The following NF1 variants were observed in gnomAD, a reference collection of about 807,000 sequenced individuals.
The protein encoded by NF1 is neurofibromin 1, also known as neurofibromin.
A neutral mutation model predicts 325.7 loss-of-function variants in NF1; 122 were observed. The ratio of observed to expected loss-of-function variants is 0.37; its 90% confidence interval spans 0.32 to 0.44. The LOEUF (loss-of-function observed/expected upper bound fraction) is 0.44, where lower values mean the gene tolerates loss of function less well. NF1 is among the 20% of genes least tolerant of loss of function. The pLI, the probability that NF1 is intolerant of heterozygous loss-of-function variation, is 1.00. For missense variants in NF1, 2,140 were observed against 3,415.4 expected, an observed-to-expected ratio of 0.63 and a Z score of 9.31; for synonymous variants, 1,091 against 1,186.0, an observed-to-expected ratio of 0.92 and a Z score of 1.65.
At chr17:31,219,460 A>G (rs2066884485) in intron 14 of NF1, 1 of 152,774 alleles carries the variant, frequency 6.5e-6, no homozygotes, top group Non-Finnish European at 1.5e-5. Flanking sequence ...CAATTTGGCC[A>G]TTTTAAGTAG....
intron 8 of NF1, 65 bp from the exon 9 acceptor site, chr17:31,200,357 A>G (rs2066503978): frequency 1.3e-6 from 2 of 1,483,636 alleles, no homozygotes; most frequent in Non-Finnish European, 1.9e-6. Flanking sequence ...TTGCTATAAT[A>G]TTAGCTACAT....
chr17:31,200,434 G>A lies in NF1; in HGVS notation c.901G>A (p.Asp301Asn), dbSNP rs2066505718. 6.2e-7 allele frequency: 1 copy of A among 1,613,956 alleles called. No homozygotes were observed. The highest frequency in any genetic ancestry group is 8.5e-7 in the Non-Finnish European group (1 of 1,179,972). ...TTGAATTCTGTAGAAGTTATTTCTG[G>A]ACAGTCTACGAAAAGCTCTTGCTGG... The part of the protein sequence containing the change: ...ENNMNKKLFL[D>N]SLRKALAGHG... Residue 301 changes from aspartate (D) to asparagine (N), a missense_variant, in exon 9 of 58, where the codon GAC becomes AAC. By Grantham distance (23) the Asp-to-Asn change is conservative. Coordinates refer to ENST00000358273, the MANE Select transcript of NF1 (RefSeq NM_001042492.3).
chr17:31,281,169 G>C (rs2068111893), intron 36 of NF1, among the ~76,000 whole-genome samples: 1 of 152,130 alleles, frequency 6.6e-6, no homozygotes, highest in Non-Finnish European at 1.5e-5. Context: ...AAGTCATTTT[G>C]GTAAGAGGCT....
intron 36 of NF1, chr17:31,295,487 C>A (rs1303980914): frequency 6.2e-7 from 1 of 1,613,972 alleles, no homozygotes; most frequent in African/African-American, 1.3e-5. Flanking sequence ...TGTCTGCATC[C>A]CACTTACAGT....
intron 36 of NF1, among the ~76,000 whole-genome samples, chr17:31,266,402 G>GT (rs1263079297): frequency 6.6e-6 from 1 of 152,114 alleles, no homozygotes; most frequent in Non-Finnish European, 1.5e-5. Flanking sequence ...AATCAAGAAA[G>GT]TAAGAAAATT....
At chr17:31,230,221 A>C in intron 22 of NF1, 39 bp from the exon 23 acceptor site, 1 of 1,607,142 alleles carries the variant, frequency 6.2e-7, no homozygotes, top group Non-Finnish European at 8.5e-7. Context: ...TCTTTTGTCT[A>C]TATCTGATAA....
At chr17:31,295,989 C>T (rs2068456337) in intron 36 of NF1, 4 of 1,613,886 alleles carry the variant, frequency 2.5e-6, no homozygotes, top group South Asian at 2.2e-5. Context: ...TCAGATTTGT[C>T]AAGAAGTTTA....
intron 25 of NF1, 114 bp from the exon 26 acceptor site, chr17:31,232,586 A>G: frequency 1.0e-6 from 1 of 1,004,052 alleles, no homozygotes; most frequent in Non-Finnish European, 1.5e-6. Context: ...GAGGAGAGAA[A>G]CAGTTAACCC....
chr17:31,258,751 T>G (rs1436192879), intron 32 of NF1, among the ~76,000 whole-genome samples: 1 of 152,154 alleles, frequency 6.6e-6, no homozygotes, highest in Non-Finnish European at 1.5e-5. Context: ...GCGTAATCAT[T>G]CTAGACATTC....
intron 1 of NF1, among the ~76,000 whole-genome samples, chr17:31,119,306 C>A (rs1914234317): frequency 6.6e-6 from 1 of 151,900 alleles, no homozygotes; most frequent in Non-Finnish European, 1.5e-5. Flanking sequence ...TAATGATCGC[C>A]ATTCTGACTG....
At chr17:31,219,879 G>A (rs1370242305) in intron 14 of NF1, among the ~76,000 whole-genome samples, 2 of 152,032 alleles carry the variant, frequency 1.3e-5, no homozygotes, top group South Asian at 2.1e-4. Flanking sequence ...TTATGTTGTG[G>A]TATGAATCAC....
chr17:31,277,432 T>A (rs999918470), intron 36 of NF1, among the ~76,000 whole-genome samples: 1 of 152,226 alleles, frequency 6.6e-6, no homozygotes, highest in Non-Finnish European at 1.5e-5. Context: ...AATTAACTTT[T>A]GTTGTCTTAG....
intron 3 of NF1, among the ~76,000 whole-genome samples, chr17:31,159,318 A>G (rs1387430604): frequency 2.6e-5 from 4 of 152,182 alleles, no homozygotes; most frequent in East Asian, 1.9e-4. Flanking sequence ...TACTTATAAA[A>G]TGTTATGTTT....
intron 47 of NF1, among the ~76,000 whole-genome samples, chr17:31,341,882 G>A (rs1019037820): frequency 6.6e-6 from 1 of 151,994 alleles, no homozygotes; most frequent in Non-Finnish European, 1.5e-5. Context: ...AAATGGGAAG[G>A]GTCTAGGAGA....
At chr17:31,264,238 A>G (rs1208724587) in intron 35 of NF1, among the ~76,000 whole-genome samples, 1 of 152,022 alleles carries the variant, frequency 6.6e-6, no homozygotes, top group Admixed American at 6.6e-5. Flanking sequence ...ATCTCTACTA[A>G]ATAAATAAAT....
At chr17:31,354,650 A>C (rs2070228639) in intron 51 of NF1, among the ~76,000 whole-genome samples, 1 of 151,902 alleles carries the variant, frequency 6.6e-6, no homozygotes, top group East Asian at 1.9e-4. Flanking sequence ...CAGTCCAAGC[A>C]AAAAAAATGG....
intron 16 of NF1, among the ~76,000 whole-genome samples, chr17:31,223,780 A>G (rs1169770210): frequency 4.6e-5 from 7 of 152,074 alleles, no homozygotes; most frequent in Non-Finnish European, 8.8e-5. Context: ...CACACTGTTG[A>G]TGAATTCTAG....
intron 1 of NF1, among the ~76,000 whole-genome samples, chr17:31,101,626 A>T (rs1912349716): frequency 6.6e-6 from 1 of 150,984 alleles, no homozygotes; most frequent in Non-Finnish European, 1.5e-5. Flanking sequence ...CTTGGCCTTT[A>T]TTTCTGCCAG....
At position 31,236,026 on chromosome 17, in the gene NF1, G is replaced by T; in HGVS notation, c.3974+5G>T. Reference sequence around the variant, plus strand: ...CTTTGAAGTGGATCCTACCAGGTTTGTCATCTTTTCACATAGAACCGCTGT... The same window carrying T: ...CTTTGAAGTGGATCCTACCAGGTTTTTCATCTTTTCACATAGAACCGCTGT... On this transcript the variant is annotated splice_donor_5th_base_variant and intron_variant, in intron 29 of 57. Coordinates refer to ENST00000358273, the MANE Select transcript of NF1 (RefSeq NM_001042492.3). 1 of 1,604,052 alleles carries T rather than the reference G, an allele frequency of 6.2e-7. No homozygotes were observed.
Sources: allele counts gnomAD v4.1 joint callset (sites outside exome capture counted in the v4.1 genomes callset), GRCh38; gene constraint gnomAD v4.1.1; transcripts MANE v1.5; gene names NCBI Gene and HGNC (gene_info 2026-07-23, HGNC 2026-07-21).